Variants in KIF27 observed in about 807,000 individuals in gnomAD.
KIF27 encodes the protein kinesin family member 27, also known as kinesin-like protein KIF27.
In KIF27, 84 loss-of-function variants were observed where a neutral mutation model predicts 141.8. The ratio of observed to expected loss-of-function variants is 0.59; its 90% CI spans 0.50 to 0.71. KIF27 has a LOEUF of 0.71. Among genes scored for constraint, KIF27 ranks in the 30% least tolerant of loss-of-function variants. KIF27 has a pLI of 0.00. For missense variants in KIF27, 1,306 were observed against 1,628.4 expected (o/e 0.80, Z 3.41); for synonymous variants, 471 against 569.5 (o/e 0.83, Z 2.46).
intron 2 of KIF27, among the ~76,000 whole-genome samples, chr9:83,915,032 A>G (rs2780099): frequency 1.3e-5 from 2 of 152,208 alleles, no homozygotes; most frequent in African/African-American, 2.4e-5. Flanking sequence ...TTCTGTTCAA[A>G]ATAACAAGGG....
At chr9:83,885,877 T>C (rs1478563153) in intron 9 of KIF27, among the ~76,000 whole-genome samples, 1 of 152,028 alleles carries the variant, frequency 6.6e-6, no homozygotes, top group Non-Finnish European at 1.5e-5. Flanking sequence ...TTATTATTAG[T>C]TGGCAGAAGT....
At chr9:83,917,735 T>C (rs1452364814) in intron 1 of KIF27, among the ~76,000 whole-genome samples, 2 of 152,180 alleles carry the variant, frequency 1.3e-5, no homozygotes, top group East Asian at 3.8e-4. Flanking sequence ...CAAATGGCAC[T>C]GGGACAATGG....
chr9:83,891,207 T>A, intron 6 of KIF27, 88 bp downstream of exon 6: 1 of 1,016,062 alleles, frequency 9.8e-7, no homozygotes. Context: ...AAAAAAAATC[T>A]GCTGAGACTG....
chr9:83,883,895 T>C lies in KIF27; in HGVS notation c.2363A>G (p.Lys788Arg), dbSNP rs770892402. 16 of 1,613,446 alleles carry C rather than the reference T, an allele frequency of 9.9e-6. No homozygotes were observed. Among genetic ancestry groups the C allele is most frequent in the Non-Finnish European group, 6.8e-6 (8 of 1,179,594 alleles). ...CTTCATTGCAACATCAGAAAGATCT[T>C]TGTTTTCCAGCTCCTGTAGCTGCTT... ...TQKQLQELEN[K>R]DLSDVAMKVK... The change falls in exon 10 of 18, where the codon AAA becomes AGA. Residue 788 changes from lysine to arginine, a missense_variant. By Grantham distance (26) the Lys-to-Arg change is conservative. This residue lies in a region of KIF27 where 596 missense variants were observed against 751.6 expected (regional missense o/e 0.79). Transcript: ENST00000297814.
At chr9:83,854,570 C>CT (rs897216216) in intron 14 of KIF27, among the ~76,000 whole-genome samples, 1 of 152,184 alleles carries the variant, frequency 6.6e-6, no homozygotes, top group Non-Finnish European at 1.5e-5. Flanking sequence ...TTTTCCTTTT[C>CT]TTTTTTTATT....
At position 83,845,128 on chromosome 9, in the gene KIF27, GC is replaced by G. The variant is rs745541951; in HGVS notation, c.3557-2728del. On this transcript the variant is annotated intron_variant, in intron 16 of 17. Coordinates refer to ENST00000297814, the MANE Select transcript of KIF27 (RefSeq NM_017576.4). ...GGATGCTGTTTGGAGCCTCTCCCAG[GC>G]CCCCCATAAGTGAATCACAGTGGAG... is the stretch of plus-strand genomic sequence containing the variant. Among the ~76,000 whole-genome samples, 9 of 152,220 alleles carry G rather than the reference GC, an allele frequency of 5.9e-5. No homozygotes were observed. In the East Asian group the frequency reaches 1.2e-3, roughly 20 times the overall value.
At chr9:83,870,763 T>C in intron 11 of KIF27, 131 bp from the exon 12 acceptor site, 1 of 1,403,058 alleles carries the variant, frequency 7.1e-7, no homozygotes, top group Non-Finnish European at 9.3e-7. Flanking sequence ...CAGGCTGGAG[T>C]GCAGTGGCAC....
intron 5 of KIF27, among the ~76,000 whole-genome samples, chr9:83,893,110 A>G (rs1288332039): frequency 7.2e-5 from 11 of 152,220 alleles, no homozygotes; most frequent in African/African-American, 2.4e-4. Flanking sequence ...TGTGGTGTGC[A>G]CCTGTGGTCC....
chr9:83,910,990 G>A (rs1257424074), intron 2 of KIF27, among the ~76,000 whole-genome samples: 2 of 152,118 alleles, frequency 1.3e-5, no homozygotes. Context: ...ATGAAGTTCT[G>A]ATAGGTGACA....
At chr9:83,910,478 C>G (rs1286234077) in intron 2 of KIF27, among the ~76,000 whole-genome samples, 2 of 152,168 alleles carry the variant, frequency 1.3e-5, no homozygotes, top group Non-Finnish European at 2.9e-5. Context: ...TATCATATTT[C>G]TTCACGTCAC....
intron 16 of KIF27, among the ~76,000 whole-genome samples, chr9:83,846,713 T>G (rs1346647182): frequency 6.6e-6 from 1 of 152,176 alleles, no homozygotes; most frequent in South Asian, 2.1e-4. Flanking sequence ...AGTGATCCAT[T>G]AGCAACATTT....
chr9:83,847,673 GAAGGCAGATCC>G (rs1429133261), intron 16 of KIF27: 1 of 152,096 alleles, frequency 6.6e-6, no homozygotes, highest in Non-Finnish European at 1.5e-5. Flanking sequence ...GTGGGCTGGG[GAAGGCAGATCC>G]AACCTCAATC....
intron 5 of KIF27, among the ~76,000 whole-genome samples, chr9:83,899,295 T>G (rs1309563223): frequency 1.3e-5 from 2 of 152,232 alleles, no homozygotes; most frequent in African/African-American, 2.4e-5. Context: ...TGTAAGAGGA[T>G]AATTTAATAC....
intron 9 of KIF27, among the ~76,000 whole-genome samples, chr9:83,885,622 C>T (rs775728574): frequency 2.7e-4 from 41 of 152,016 alleles, no homozygotes; most frequent in Non-Finnish European, 3.7e-4. Context: ...ATATACAGTG[C>T]CAATTACAAC....
chr9:83,859,473 T>C (rs548828291), intron 13 of KIF27, 102 bp from the exon 14 acceptor site: 2 of 752,722 alleles, frequency 2.7e-6, no homozygotes, highest in African/African-American at 3.6e-5. Flanking sequence ...ATGAATATAT[T>C]TTTAGTTTTT....
At chr9:83,858,897 C>T in intron 14 of KIF27, 1 of 484,430 alleles carries the variant, frequency 2.1e-6, no homozygotes, top group South Asian at 2.7e-5. Context: ...CAAATATACT[C>T]AAGGAAAGTA....
intron 2 of KIF27, among the ~76,000 whole-genome samples, chr9:83,912,349 C>T (rs892862283): frequency 6.6e-6 from 1 of 152,168 alleles, no homozygotes; most frequent in Non-Finnish European, 1.5e-5. Flanking sequence ...TGCCTTTCCC[C>T]TAATTTAAGA....
intron 3 of KIF27, among the ~76,000 whole-genome samples, chr9:83,907,496 A>T (rs1256598252): frequency 6.6e-6 from 1 of 152,042 alleles, no homozygotes; most frequent in Non-Finnish European, 1.5e-5. Context: ...TTTAAACCAG[A>T]AAAGCATAAA....
intron 5 of KIF27, among the ~76,000 whole-genome samples, chr9:83,895,416 T>C (rs1399023743): frequency 6.6e-6 from 1 of 152,190 alleles, no homozygotes; most frequent in African/African-American, 2.4e-5. Context: ...TGGGAAAGGG[T>C]AAATTAAAAA....
Sources: allele counts gnomAD v4.1 joint callset (sites outside exome capture counted in the v4.1 genomes callset), GRCh38; gene constraint gnomAD v4.1.1; regional missense constraint gnomAD v4.1.1; transcripts MANE v1.5; gene names NCBI Gene and HGNC (gene_info 2026-07-23, HGNC 2026-07-21).